The following TENM3 variants were observed in gnomAD, a reference collection of about 807,000 sequenced individuals.
TENM3 encodes the protein teneurin transmembrane protein 3.
TENM3 carries 63 observed loss-of-function variants against 255.1 expected under a neutral mutation model. The ratio of observed to expected loss-of-function variants is 0.25; its 90% CI spans 0.20 to 0.30. TENM3 has a LOEUF of 0.30. TENM3 is among the 10% of genes least tolerant of loss of function. TENM3 has a pLI of 1.00. For missense variants in TENM3, 2,929 were observed against 3,461.1 expected, an observed-to-expected ratio of 0.85 and a Z score of 3.86; for synonymous variants, 1,306 against 1,322.3, an observed-to-expected ratio of 0.99 and a Z score of 0.27.
At chr4:182,320,395 T>G (rs1762982266) in intron 1 of TENM3, among the ~76,000 whole-genome samples, 1 of 152,220 alleles carries the variant, frequency 6.6e-6, no homozygotes, top group South Asian at 2.1e-4. Flanking sequence ...TGACTTCTGT[T>G]GGTTGCTGGT....
the TENM3 span, among the ~76,000 whole-genome samples, chr4:181,648,436 A>G: frequency 4.6e-5 from 7 of 152,126 alleles, no homozygotes; most frequent in Admixed American, 4.6e-4. Flanking sequence ...TTCAAATACC[A>G]AAAAAAGTGG....
chr4:182,566,383 C>G (rs1241860907), intron 3 of TENM3, among the ~76,000 whole-genome samples: 1 of 152,312 alleles, frequency 6.6e-6, no homozygotes, highest in Non-Finnish European at 1.5e-5. Flanking sequence ...CCATTGGCTT[C>G]ATGATTGTTT....
At chr4:181,716,885 G>A in the TENM3 span, among the ~76,000 whole-genome samples, 243 of 152,144 alleles carry the variant, frequency 1.6e-3, no homozygotes, top group African/African-American at 5.4e-3. Flanking sequence ...CCACCTCTGG[G>A]TCCGCTCCCC....
the TENM3 span, among the ~76,000 whole-genome samples, chr4:181,916,184 A>G: frequency 6.6e-6 from 1 of 151,746 alleles, no homozygotes; most frequent in Non-Finnish European, 1.5e-5. Context: ...AAATCTCAAC[A>G]TACACATCAC....
chr4:182,277,120 T>C (rs1424103643), intron 1 of TENM3, among the ~76,000 whole-genome samples: 2 of 152,222 alleles, frequency 1.3e-5, no homozygotes. Flanking sequence ...CAGGTCCTAT[T>C]ACTTGGGAAT....
chr4:181,569,481 G>A, the TENM3 span, among the ~76,000 whole-genome samples: 1 of 152,116 alleles, frequency 6.6e-6, no homozygotes, highest in Non-Finnish European at 1.5e-5. Flanking sequence ...TCATGGTAAG[G>A]TTCAGCCCAT....
At chr4:181,505,631 C>T in the TENM3 span, among the ~76,000 whole-genome samples, 4 of 152,084 alleles carry the variant, frequency 2.6e-5, no homozygotes, top group Non-Finnish European at 5.9e-5. Context: ...ATAGGATGGG[C>T]TGTGTGACCA....
At chr4:182,604,063 G>T (rs747581096) in intron 4 of TENM3, among the ~76,000 whole-genome samples, 1 of 152,084 alleles carries the variant, frequency 6.6e-6, no homozygotes, top group Non-Finnish European at 1.5e-5. Context: ...ATATGTTTCA[G>T]TATAGCTATC....
chr4:182,561,687 A>G (rs1743198398), intron 3 of TENM3, among the ~76,000 whole-genome samples: 1 of 152,078 alleles, frequency 6.6e-6, no homozygotes, highest in African/African-American at 2.4e-5. Context: ...ATTTCTCTGA[A>G]TGGATCCTGT....
intron 1 of TENM3, among the ~76,000 whole-genome samples, chr4:182,268,308 T>C (rs1030084550): frequency 6.6e-6 from 1 of 152,200 alleles, no homozygotes; most frequent in East Asian, 1.9e-4. Flanking sequence ...TTACCATACA[T>C]GCTTTCTGAC....
chr4:182,161,951 GTGTGTGTGTATATA>G lies in TENM3; in HGVS notation c.-76+17199_-76+17212del, dbSNP rs1751366323. On this transcript the variant is annotated intron_variant, in intron 1 of 2. Transcript: ENST00000512480. ...TATATACACATATATATATTTGTGT[GTGTGTGTGTATATA>G]TATATATATATATATATATATATAT... Among the ~76,000 whole-genome samples, 2 of 12,522 alleles carry G rather than the reference GTGTGTGTGTATATA, an allele frequency of 1.6e-4. 1 individual carries two copies. The highest frequency in any genetic ancestry group is 3.4e-4 in the Non-Finnish European group (2 of 5,824). 8.2% of individuals were successfully genotyped at this position (12,522 alleles called of 152,430 possible). A position where few individuals can be genotyped will look rare whatever the true frequency, so the allele number is the denominator to read the frequency against.
chr4:181,456,104 T>G, the TENM3 span, among the ~76,000 whole-genome samples: 1 of 117,772 alleles, frequency 8.5e-6, no homozygotes, highest in Non-Finnish European at 1.8e-5. Context: ...TATGTGTGTG[T>G]GTGTGTGTGT....
intron 2 of TENM3, among the ~76,000 whole-genome samples, chr4:182,338,041 T>A (rs1382351205): frequency 6.6e-6 from 1 of 152,202 alleles, no homozygotes; most frequent in Admixed American, 6.5e-5. Context: ...GGTGGGTACA[T>A]TTGTTAAAAC....
the TENM3 span, among the ~76,000 whole-genome samples, chr4:181,723,929 G>T: frequency 2.7e-3 from 412 of 152,222 alleles, 1 homozygote; most frequent in African/African-American, 8.9e-3. Context: ...ATCCTAAAGT[G>T]GTAAAGAAGA....
intron 1 of TENM3, among the ~76,000 whole-genome samples, chr4:182,308,437 C>T (rs1762257866): frequency 6.6e-6 from 1 of 152,052 alleles, no homozygotes; most frequent in Non-Finnish European, 1.5e-5. Flanking sequence ...CCACCCCAGC[C>T]TTCTGAGTAG....
the TENM3 span, among the ~76,000 whole-genome samples, chr4:181,957,247 A>G: frequency 6.6e-6 from 1 of 152,202 alleles, no homozygotes; most frequent in South Asian, 2.1e-4. Context: ...CCTGGACATT[A>G]CTGTGTACAA....
At chr4:182,651,586 A>T in intron 5 of TENM3, among the ~76,000 whole-genome samples, 1 of 152,070 alleles carries the variant, frequency 6.6e-6, no homozygotes, top group Non-Finnish European at 1.5e-5. Flanking sequence ...AGTCCCAGCT[A>T]CTCGGGAGGC....
chr4:182,357,443 T>G (rs1765633366), intron 3 of TENM3, among the ~76,000 whole-genome samples: 1 of 152,238 alleles, frequency 6.6e-6, no homozygotes, highest in African/African-American at 2.4e-5. Context: ...CACTGTGGTT[T>G]TGATTTGCAT....
At chr4:182,138,491 T>A in the TENM3 span, among the ~76,000 whole-genome samples, 1 of 152,186 alleles carries the variant, frequency 6.6e-6, no homozygotes, top group South Asian at 2.1e-4. Flanking sequence ...CCAACTAAAT[T>A]CCATGCCAGA....
Sources: gnomAD v4.1 joint callset for allele counts (sites outside exome capture counted in the v4.1 genomes callset) on GRCh38, gnomAD v4.1.1 for gene constraint, MANE v1.5 for transcripts, NCBI Gene and HGNC (gene_info 2026-07-23, HGNC 2026-07-21) for gene names.